FIGLA: variants seen among roughly 807,000 people sequenced by gnomAD.
The protein encoded by FIGLA is factor in the germline alpha.
Under a neutral mutation model 21.5 loss-of-function variants are expected in FIGLA, and 17 were observed. That is an observed-to-expected ratio of 0.79 (90% confidence interval 0.54 to 1.19). The LOEUF (loss-of-function observed/expected upper bound fraction) is 1.19, where lower values mean the gene tolerates loss of function less well. FIGLA is among the 50% of genes most tolerant of loss of function. FIGLA has a pLI of 0.00. For missense variants in FIGLA, 282 were observed against 285.0 expected (o/e 0.99, Z 0.08); for synonymous variants, 129 against 117.6 (o/e 1.10, Z -0.63).
rs1553390792 is a variant in FIGLA at position 70,790,584 on chromosome 2, C to T, written c.55G>A (p.Gly19Ser). The change falls in exon 1 of 5, where the codon GGC becomes AGC. Residue 19 changes from glycine to serine, a missense_variant. Coordinates refer to ENST00000332372, the MANE Select transcript of FIGLA (RefSeq NM_001004311.3). ...DPRAAPPALL[G>S]TPQAEVLEDV... is the part of the protein sequence containing the mutation. The stretch of plus-strand genomic sequence containing the variant: ...TCCAGCACCTCGGCTTGCGGGGTGC[C>T]CAGGAGCGCGGGCGGCGCGGCGCGG... 1.3e-6 allele frequency: 2 copies of T among 1,495,874 alleles called. No individual in the cohort carries two copies. The highest frequency in any genetic ancestry group is 2.5e-5 in the South Asian group (2 of 79,482). 92.7% of individuals were successfully genotyped at this position (1,495,874 alleles called of 1,614,324 possible). A position where few individuals can be genotyped will look rare whatever the true frequency, so the allele number is the denominator to read the frequency against.
rs60009932 is a variant in FIGLA, at chr2:70,783,056, C to CA, written c.609+2358dup. ...CTGGCAACAGAGCGAGACTCTGTCT[C>CA]AAAAAAAAAAAAAAAAAAATGATTT... is the stretch of plus-strand genomic sequence containing the variant. On this transcript the variant is annotated intron_variant, in intron 3 of 4. Coordinates refer to ENST00000332372, the MANE Select transcript of FIGLA (RefSeq NM_001004311.3). 4.7e-3 allele frequency among the ~76,000 whole-genome samples: 587 copies of CA among 124,252 alleles called. 1 individual carries two copies. Among genetic ancestry groups the CA allele is most frequent in the Middle Eastern group, 8.1e-3 (2 of 246 alleles). The allele number at this position is 124,252 out of a possible 152,430, so 81.5% of individuals were successfully genotyped here.
intron 3 of FIGLA, among the ~76,000 whole-genome samples, chr2:70,783,308 G>A (rs1675890686): frequency 6.6e-6 from 1 of 152,142 alleles, no homozygotes; most frequent in Non-Finnish European, 1.5e-5. Flanking sequence ...AATATTAAGT[G>A]TTTTACTCCC....
At chr2:70,788,309 G>C (rs1675993738) in intron 1 of FIGLA, among the ~76,000 whole-genome samples, 1 of 152,158 alleles carries the variant, frequency 6.6e-6, no homozygotes, top group Admixed American at 6.5e-5. Context: ...CTCAAGAAGT[G>C]GTATTGCTGG....
intron 3 of FIGLA, among the ~76,000 whole-genome samples, chr2:70,777,952 C>T (rs1675790472): frequency 6.6e-6 from 1 of 152,152 alleles, no homozygotes; most frequent in South Asian, 2.1e-4. Context: ...TTTGTCTCTG[C>T]TCAATTTTCT....
chr2:70,784,588 C>T (rs1675911321), intron 3 of FIGLA, among the ~76,000 whole-genome samples: 2 of 152,152 alleles, frequency 1.3e-5, no homozygotes, highest in South Asian at 2.1e-4. Context: ...GTAGTCTGTT[C>T]CCAGAGCCTA....
Position 70,790,398 on chromosome 2 carries a change from G to A in FIGLA, c.231+10C>T, listed in dbSNP as rs1553390675. ...GGGGGGAACGGACGTCGACCCTAGG[G>A]ATCCCTCACCCGCTCACGCTCCTTG... On this transcript the variant is annotated intron_variant, in intron 1 of 4. Transcript: ENST00000332372. 6.6e-7 allele frequency: 1 copy of A among 1,523,586 alleles called. No individual in the cohort carries two copies. The highest frequency in any genetic ancestry group is 2.0e-5 in the Admixed American group (1 of 49,150). The allele number at this position is 1,523,586 out of a possible 1,614,324, so 94.4% of individuals were successfully genotyped here. A position where few individuals can be genotyped will look rare whatever the true frequency, so the allele number is the denominator to read the frequency against.
In FIGLA at chr2:70,787,814, A is replaced by G. The variant is rs781892008; in HGVS notation, c.232-13T>C. ...TGAGATTTTTTATCTAGAAAACAAA[A>G]AGGCACAGTAACACACAGAGAAGCC... On this transcript the variant is annotated splice_polypyrimidine_tract_variant and intron_variant, in intron 1 of 4. Coordinates refer to ENST00000332372, the MANE Select transcript of FIGLA (RefSeq NM_001004311.3). 6.2e-7 allele frequency: 1 copy of G among 1,611,224 alleles called. No homozygotes were observed. Among genetic ancestry groups the G allele is most frequent in the Non-Finnish European group, 8.5e-7 (1 of 1,179,238 alleles).
chr2:70,780,300 G>A (rs1272931133), intron 3 of FIGLA, among the ~76,000 whole-genome samples: 5 of 152,298 alleles, frequency 3.3e-5, no homozygotes, highest in Admixed American at 6.5e-5. Flanking sequence ...CTCATCAAGG[G>A]TAGGGAAAAG....
At chr2:70,784,319 C>A (rs1675907072) in intron 3 of FIGLA, among the ~76,000 whole-genome samples, 1 of 152,072 alleles carries the variant, frequency 6.6e-6, no homozygotes, top group Non-Finnish European at 1.5e-5. Context: ...AGCTAGAATA[C>A]CTGTGGCTCA....
chr2:70,790,516 G>A lies in FIGLA; in HGVS notation c.123C>T (p.Ala41=). 6 of 1,540,618 alleles carry A rather than the reference G, an allele frequency of 3.9e-6. No individual in the cohort carries two copies. Among genetic ancestry groups the A allele is most frequent in the Non-Finnish European group, 3.5e-6 (4 of 1,146,328 alleles). Residue 41 remains alanine, a synonymous_variant, in exon 1 of 5, where the codon GCC becomes GCT. Transcript: ENST00000332372. ...GCAGCCGCTTGAGCCGGCAGACAGC[G>A]GCCAGCTGGGGCAGCGGCCCGAACT... ...REQFGPLPQL[A]AVCRLKRLPS... is the part of the protein sequence containing the mutation.
intron 2 of FIGLA, among the ~76,000 whole-genome samples, chr2:70,785,861 C>T (rs1675945117): frequency 6.6e-6 from 1 of 152,172 alleles, no homozygotes. Context: ...AATATTATGG[C>T]ATGGAACAGA....
chr2:70,787,034 T>C (rs1192851410), intron 2 of FIGLA, among the ~76,000 whole-genome samples: 1 of 152,256 alleles, frequency 6.6e-6, no homozygotes, highest in Non-Finnish European at 1.5e-5. Flanking sequence ...GTCCACACTT[T>C]ACTTTGCCTA....
intron 1 of FIGLA, among the ~76,000 whole-genome samples, chr2:70,788,792 G>C (rs1030486212): frequency 6.6e-6 from 1 of 152,174 alleles, no homozygotes; most frequent in Non-Finnish European, 1.5e-5. Context: ...TTGAAAAAGA[G>C]AACAGTCCTA....
intron 1 of FIGLA, among the ~76,000 whole-genome samples, chr2:70,789,839 G>A (rs1676025644): frequency 6.6e-6 from 1 of 152,172 alleles, no homozygotes; most frequent in Non-Finnish European, 1.5e-5. Context: ...CGGCTCGACT[G>A]GGAAACACTC....
chr2:70,781,245 A>G (rs1675850642), intron 3 of FIGLA, among the ~76,000 whole-genome samples: 1 of 152,156 alleles, frequency 6.6e-6, no homozygotes, highest in Non-Finnish European at 1.5e-5. Context: ...AGGGGATGGC[A>G]ACAGAGATGG....
chr2:70,788,662 C>T (rs1165196032), intron 1 of FIGLA, among the ~76,000 whole-genome samples: 2 of 152,130 alleles, frequency 1.3e-5, no homozygotes, highest in Middle Eastern at 3.2e-3. Context: ...AACAACCACT[C>T]AGTGTATAAA....
chr2:70,785,845 A>C (rs1359339656), intron 2 of FIGLA, among the ~76,000 whole-genome samples: 3 of 152,246 alleles, frequency 2.0e-5, no homozygotes, highest in Non-Finnish European at 4.4e-5. Flanking sequence ...AGGTAACTGC[A>C]TTAAAAATAT....
rs1553390246 is a variant in FIGLA, at chr2:70,787,712, A to G, written c.321T>C (p.Leu107=). 6.2e-7 allele frequency: 1 copy of G among 1,609,520 alleles called. No individual in the cohort carries two copies. The highest frequency in any genetic ancestry group is 8.5e-7 in the Non-Finnish European group (1 of 1,178,096). ...QSRKPSKVDI[L]KGATEYIQVL... Reference sequence around the variant, plus strand: ...CCTGTATATATTCAGTCGCACCTTTAAGGATATCAACTTTGCTGGGCTTCC... The same window carrying G: ...CCTGTATATATTCAGTCGCACCTTTGAGGATATCAACTTTGCTGGGCTTCC... Residue 107 remains leucine, a synonymous_variant, in exon 2 of 5, where the codon CTT becomes CTC. Transcript: ENST00000332372.
At chr2:70,782,542 T>A (rs1483606553) in intron 3 of FIGLA, among the ~76,000 whole-genome samples, 1 of 152,208 alleles carries the variant, frequency 6.6e-6, no homozygotes, top group Non-Finnish European at 1.5e-5. Context: ...CTGGTGAAAC[T>A]TGAATGGGAC....
Sources: gnomAD v4.1 joint callset for allele counts (sites outside exome capture counted in the v4.1 genomes callset) on GRCh38, gnomAD v4.1.1 for gene constraint, MANE v1.5 for transcripts, NCBI Gene and HGNC (gene_info 2026-07-23, HGNC 2026-07-21) for gene names.